Variants in PDE10A observed in about 807,000 individuals in gnomAD.
PDE10A encodes cAMP and cAMP-inhibited cGMP 3',5'-cyclic phosphodiesterase 10A.
PDE10A carries 39 observed loss-of-function variants against 97.7 expected under a neutral mutation model. The ratio of observed to expected loss-of-function variants is 0.40; its 90% confidence interval spans 0.31 to 0.52. The LOEUF is 0.52. Ranked by LOEUF, PDE10A falls within the 20% of genes least tolerant of loss-of-function variation. The pLI is 0.56. For missense variants in PDE10A, 731 were observed against 1,047.8 expected (o/e 0.70, Z 4.17); for synonymous variants, 371 against 376.8 (o/e 0.98, Z 0.18).
intron 17 of PDE10A, among the ~76,000 whole-genome samples, chr6:165,383,092 TGGTATAA>T (rs1019144720): frequency 1.3e-5 from 2 of 152,126 alleles, no homozygotes; most frequent in African/African-American, 4.8e-5. Context: ...CCCAAAATGT[TGGTATAA>T]ATAGATAACT....
chr6:165,924,800 A>G (rs2128489226), intron 1 of PDE10A, among the ~76,000 whole-genome samples: 1 of 152,370 alleles, frequency 6.6e-6, no homozygotes, highest in African/African-American at 2.4e-5. Flanking sequence ...AAAACATAAA[A>G]GTTATTAGAA....
At chr6:165,564,100 AT>A (rs1784657362) in intron 1 of PDE10A, among the ~76,000 whole-genome samples, 1 of 152,218 alleles carries the variant, frequency 6.6e-6, no homozygotes, top group Non-Finnish European at 1.5e-5. Flanking sequence ...CTTGGCTGGA[AT>A]TTCTCTTCCC....
chr6:165,375,233 T>C (rs144320733), intron 18 of PDE10A, among the ~76,000 whole-genome samples: 2 of 152,190 alleles, frequency 1.3e-5, no homozygotes, highest in African/African-American at 4.8e-5. Flanking sequence ...AAAGCTGAGA[T>C]AGGCTGAAAG....
chr6:165,697,052 C>T (rs1791460114), intron 1 of PDE10A, among the ~76,000 whole-genome samples: 1 of 152,058 alleles, frequency 6.6e-6, no homozygotes, highest in Non-Finnish European at 1.5e-5. Context: ...AGAGAGGTGC[C>T]ATTAAACATA....
chr6:165,574,989 C>T (rs1785230811), intron 1 of PDE10A, among the ~76,000 whole-genome samples: 1 of 152,092 alleles, frequency 6.6e-6, no homozygotes, highest in African/African-American at 2.4e-5. Context: ...CTGATGACAC[C>T]ATCCTATCCT....
intron 2 of PDE10A, among the ~76,000 whole-genome samples, chr6:165,527,720 C>T (rs1297728372): frequency 6.6e-6 from 1 of 152,170 alleles, no homozygotes; most frequent in East Asian, 1.9e-4. Context: ...CATGATCAGG[C>T]TCCAGCAGGT....
At chr6:165,953,143 G>A (rs2128495623) in intron 1 of PDE10A, among the ~76,000 whole-genome samples, 1 of 152,268 alleles carries the variant, frequency 6.6e-6, no homozygotes, top group African/African-American at 2.4e-5. Context: ...GGCCCTCAGT[G>A]CCTCTGTTCT....
intron 1 of PDE10A, among the ~76,000 whole-genome samples, chr6:165,877,944 T>A (rs1781387697): frequency 6.6e-6 from 1 of 152,154 alleles, no homozygotes; most frequent in Non-Finnish European, 1.5e-5. Context: ...TCTGAGTAAG[T>A]GACGGAGCCT....
chr6:165,416,426 T>G lies in PDE10A; in HGVS notation c.1797-145A>C. 6.2e-6 allele frequency: 4 copies of G among 641,316 alleles called. No individual in the cohort carries two copies. In the South Asian group the frequency reaches 7.4e-5, roughly 12 times the overall value. 39.7% of individuals were successfully genotyped at this position (641,316 alleles called of 1,614,324 possible). A position where few individuals can be genotyped will look rare whatever the true frequency, so the allele number is the denominator to read the frequency against. Reference sequence around the variant, plus strand: ...TACTTTTACGTTTACATATTCTAAATCACCTTATGAAGTACGTAAAAATAA... The same window carrying G: ...TACTTTTACGTTTACATATTCTAAAGCACCTTATGAAGTACGTAAAAATAA... On this transcript the variant is annotated intron_variant, in intron 11 of 21. Transcript: ENST00000539869.
rs1790282761 is a variant in PDE10A at position 165,661,850 on chromosome 6, C to CTGT, written c.865+96_865+97insACA. 1.6e-6 allele frequency: 1 copy of CTGT among 640,018 alleles called. No homozygotes were observed. Among genetic ancestry groups the CTGT allele is most frequent in the African/African-American group, 1.9e-5 (1 of 52,174 alleles). The allele number at this position is 640,018 out of a possible 1,614,324, so 39.6% of individuals were successfully genotyped here. On this transcript the variant is annotated intron_variant, in intron 1 of 21. Coordinates refer to ENST00000539869, the MANE Select transcript of PDE10A (RefSeq NM_001385079.1). This position sits in a 1 kb window ranked among gnomAD's most constrained non-coding sequence, Gnocchi z 4.8. ...CACGCCCGGGCACGGGCACCTCGCT[C>CTGT]GACACCCGCTTCCCACCCAGCAGTC...
intron 1 of PDE10A, among the ~76,000 whole-genome samples, chr6:165,887,191 G>C (rs1014044009): frequency 6.6e-6 from 1 of 152,188 alleles, no homozygotes; most frequent in Non-Finnish European, 1.5e-5. Context: ...ACCATCAGGG[G>C]TGAAGAAGGA....
At chr6:165,883,684 A>G (rs1017101219) in intron 1 of PDE10A, among the ~76,000 whole-genome samples, 1 of 152,112 alleles carries the variant, frequency 6.6e-6, no homozygotes, top group Non-Finnish European at 1.5e-5. Flanking sequence ...GGAGTGGCAG[A>G]GGCGGGCTTG....
At chr6:165,404,568 G>T (rs944282391) in intron 13 of PDE10A, among the ~76,000 whole-genome samples, 2 of 151,986 alleles carry the variant, frequency 1.3e-5, no homozygotes, top group African/African-American at 4.8e-5. Context: ...ATCACTGAAA[G>T]CCTGGGGCAC....
chr6:165,946,583 C>T (rs1783780001), intron 1 of PDE10A, among the ~76,000 whole-genome samples: 1 of 151,918 alleles, frequency 6.6e-6, no homozygotes, highest in African/African-American at 2.4e-5. Flanking sequence ...TAAGTGTTCT[C>T]ACCACAAAAT....
At chr6:165,408,832 T>C (rs941205853) in intron 13 of PDE10A, among the ~76,000 whole-genome samples, 3 of 152,094 alleles carry the variant, frequency 2.0e-5, no homozygotes, top group Admixed American at 6.5e-5. Context: ...AAAAATAATA[T>C]AATTTTTATG....
At chr6:165,773,936 C>A (rs1349039374) in intron 1 of PDE10A, among the ~76,000 whole-genome samples, 1 of 148,288 alleles carries the variant, frequency 6.7e-6, no homozygotes, top group African/African-American at 2.5e-5. Context: ...AGTATTTCAA[C>A]TTTTTTTTTT....
chr6:165,608,120 A>G (rs1374493767), intron 1 of PDE10A, among the ~76,000 whole-genome samples: 1 of 148,924 alleles, frequency 6.7e-6, no homozygotes, highest in African/African-American at 2.5e-5. Context: ...ATATATATAT[A>G]TTTTATTATA....
intron 1 of PDE10A, among the ~76,000 whole-genome samples, chr6:165,828,278 T>C (rs934994659): frequency 6.6e-6 from 1 of 152,174 alleles, no homozygotes; most frequent in Non-Finnish European, 1.5e-5. Flanking sequence ...GTATGAAATA[T>C]ACAGAGAAAA....
chr6:165,752,858 G>T (rs1793038849), intron 1 of PDE10A, among the ~76,000 whole-genome samples: 1 of 152,216 alleles, frequency 6.6e-6, no homozygotes, highest in South Asian at 2.1e-4. Context: ...CAACATGGAG[G>T]TAAGGAAGTC....
Sources: gnomAD v4.1 joint callset for allele counts (sites outside exome capture counted in the v4.1 genomes callset) on GRCh38, gnomAD v4.1.1 for gene constraint, Gnocchi (gnomAD v3.1) non-coding constraint, MANE v1.5 for transcripts, NCBI Gene and HGNC (gene_info 2026-07-23, HGNC 2026-07-21) for gene names.